The following ZBTB7C variants were observed in gnomAD, a reference collection of about 807,000 sequenced individuals.
ZBTB7C encodes the protein zinc finger and BTB domain containing 7C, also known as zinc finger and BTB domain-containing protein 7C.
A neutral mutation model predicts 25.7 loss-of-function variants in ZBTB7C; 8 were observed. The observed-to-expected ratio is 0.31, with a 90% CI of 0.18 to 0.56. ZBTB7C has a LOEUF of 0.56. Among genes scored for constraint, ZBTB7C ranks in the 20% least tolerant of loss-of-function variants. The pLI is 0.91. For missense variants in ZBTB7C, 824 were observed against 855.2 expected, an observed-to-expected ratio of 0.96 and a Z score of 0.46; for synonymous variants, 394 against 369.0, an observed-to-expected ratio of 1.07 and a Z score of -0.78.
At chr18:48,300,931 CT>C (rs1348800475) in intron 2 of ZBTB7C, among the ~76,000 whole-genome samples, 1 of 152,258 alleles carries the variant, frequency 6.6e-6, no homozygotes, top group East Asian at 1.9e-4. Context: ...GCAGGCACAG[CT>C]GGGCCTGGCT....
At chr18:48,329,439 C>T (rs1215526790) in intron 2 of ZBTB7C, among the ~76,000 whole-genome samples, 1 of 152,226 alleles carries the variant, frequency 6.6e-6, no homozygotes, top group African/African-American at 2.4e-5. Context: ...CCATGCCACA[C>T]TCTGCTGAGG....
At chr18:48,289,239 C>A (rs995784000) in intron 2 of ZBTB7C, among the ~76,000 whole-genome samples, 3 of 152,122 alleles carry the variant, frequency 2.0e-5, no homozygotes, top group African/African-American at 4.8e-5. Flanking sequence ...TAAGACCTAG[C>A]AAATTCACTT....
At chr18:48,322,761 C>T (rs1239680421) in intron 2 of ZBTB7C, among the ~76,000 whole-genome samples, 1 of 152,156 alleles carries the variant, frequency 6.6e-6, no homozygotes, top group Non-Finnish European at 1.5e-5. Flanking sequence ...TTTATAGCAG[C>T]ACAATTCGCA....
intron 2 of ZBTB7C, among the ~76,000 whole-genome samples, chr18:48,192,261 C>A: frequency 6.6e-6 from 1 of 151,998 alleles, no homozygotes; most frequent in South Asian, 2.1e-4. Context: ...GGAAAAGGCA[C>A]GACTATGGAA....
At chr18:48,160,941 T>G (rs993728961) in intron 3 of ZBTB7C, among the ~76,000 whole-genome samples, 1 of 142,734 alleles carries the variant, frequency 7.0e-6, no homozygotes, top group African/African-American at 2.5e-5. Context: ...ACAAGTTTTT[T>G]TTTTTTTTTT....
At chr18:48,080,556 G>A (rs2037942537) in intron 3 of ZBTB7C, among the ~76,000 whole-genome samples, 1 of 152,184 alleles carries the variant, frequency 6.6e-6, no homozygotes. Flanking sequence ...CTTCACCTCT[G>A]TGGGCCTCTG....
intron 2 of ZBTB7C, among the ~76,000 whole-genome samples, chr18:48,300,515 T>C (rs1421773521): frequency 6.6e-6 from 1 of 152,006 alleles, no homozygotes; most frequent in Non-Finnish European, 1.5e-5. Context: ...GCTGGTGAAG[T>C]CCCTTGGCCC....
rs747492735 is a variant in ZBTB7C at position 48,040,702 on chromosome 18, C to T, written c.406G>A (p.Glu136Lys). 1 of 1,613,914 alleles carries T rather than the reference C, an allele frequency of 6.2e-7. No homozygotes were observed. Among genetic ancestry groups the T allele is most frequent in the Non-Finnish European group, 8.5e-7 (1 of 1,179,940 alleles). ...TCGTCATCGTCCTCCTTGTCATCCT[C>T]CTCCCCCCCGTCCCCCCCAGGCTCC... ...IMEPGGDGGEEDDKEDDDDDE... is the reference protein window; with the variant it reads ...IMEPGGDGGEKDDKEDDDDDE... Residue 136 changes from glutamate (E) to lysine (K), a missense_variant, in exon 4 of 5, where the codon GAG (glutamate) becomes AAG (lysine). Coordinates refer to ENST00000590800, the MANE Select transcript of ZBTB7C (RefSeq NM_001318841.2).
At chr18:48,408,532 G>A (rs1425407773) in intron 1 of ZBTB7C, 1 of 152,216 alleles carries the variant, frequency 6.6e-6, no homozygotes, top group Non-Finnish European at 1.5e-5. Context: ...AAGGATCTTT[G>A]AGTCCTGCAT....
chr18:48,039,801 A>G, intron 4 of ZBTB7C, 99 bp downstream of exon 4: 1 of 1,271,340 alleles, frequency 7.9e-7, no homozygotes, highest in Non-Finnish European at 1.1e-6. Context: ...TGTGGGATCT[A>G]TCTGGGTCTC....
intron 2 of ZBTB7C, among the ~76,000 whole-genome samples, chr18:48,329,743 G>C (rs2046303001): frequency 1.3e-5 from 2 of 152,198 alleles, no homozygotes; most frequent in Admixed American, 1.3e-4. Flanking sequence ...CAGTAAGACA[G>C]GCAATCTATT....
At chr18:48,071,466 G>A (rs1361670808) in intron 3 of ZBTB7C, among the ~76,000 whole-genome samples, 1 of 152,206 alleles carries the variant, frequency 6.6e-6, no homozygotes, top group Non-Finnish European at 1.5e-5. Flanking sequence ...CCATTAGGAT[G>A]GCTACTGTCA....
intron 2 of ZBTB7C, among the ~76,000 whole-genome samples, chr18:48,202,341 G>T (rs776594087): frequency 1.3e-5 from 2 of 152,122 alleles, no homozygotes; most frequent in Non-Finnish European, 2.9e-5. Context: ...CCAAGAGGTC[G>T]CGAGGGATTA....
At chr18:48,168,403 T>G (rs1289784316) in intron 3 of ZBTB7C, among the ~76,000 whole-genome samples, 1 of 152,212 alleles carries the variant, frequency 6.6e-6, no homozygotes, top group Non-Finnish European at 1.5e-5. Context: ...AAGTGGTGGA[T>G]TTGATTACAG....
At chr18:48,052,281 T>A (rs1229883565) in intron 3 of ZBTB7C, among the ~76,000 whole-genome samples, 1 of 152,222 alleles carries the variant, frequency 6.6e-6, no homozygotes, top group African/African-American at 2.4e-5. Context: ...TAGCCATTTC[T>A]GCCCAAAGGG....
At chr18:48,046,660 C>T (rs1030886091) in intron 3 of ZBTB7C, among the ~76,000 whole-genome samples, 2 of 152,214 alleles carry the variant, frequency 1.3e-5, no homozygotes, top group Non-Finnish European at 2.9e-5. Flanking sequence ...TGGTGATCAG[C>T]GTCCCACTGT....
chr18:48,297,038 C>T (rs1353422524), intron 2 of ZBTB7C, among the ~76,000 whole-genome samples: 2 of 152,088 alleles, frequency 1.3e-5, no homozygotes, highest in Non-Finnish European at 2.9e-5. Context: ...CAGTTTCCCC[C>T]ACCCCACCCC....
intron 1 of ZBTB7C, among the ~76,000 whole-genome samples, chr18:48,349,085 T>C (rs531801496): frequency 5.1e-4 from 78 of 152,302 alleles, no homozygotes; most frequent in Non-Finnish European, 7.9e-4. Context: ...TCAAGGGGGC[T>C]TTAATGCAGC....
At chr18:48,334,052 A>C (rs2046401562) in intron 2 of ZBTB7C, among the ~76,000 whole-genome samples, 2 of 152,116 alleles carry the variant, frequency 1.3e-5, no homozygotes, top group African/African-American at 2.4e-5. Flanking sequence ...TCCCTATCAC[A>C]GAATCCTCAC....
Sources: allele counts gnomAD v4.1 joint callset (sites outside exome capture counted in the v4.1 genomes callset), GRCh38; gene constraint gnomAD v4.1.1; transcripts MANE v1.5; gene names NCBI Gene and HGNC (gene_info 2026-07-23, HGNC 2026-07-21).